Variants in MAP3K13 observed in about 807,000 individuals in gnomAD.
MAP3K13 encodes mitogen-activated protein kinase kinase kinase 13.
Under a neutral mutation model 104.0 loss-of-function variants are expected in MAP3K13, and 52 were observed. The observed-to-expected ratio is 0.50, with a 90% CI of 0.40 to 0.63. The LOEUF is 0.63. Among genes scored for constraint, MAP3K13 ranks in the 20% least tolerant of loss-of-function variants. MAP3K13 has a pLI of 0.00. For synonymous variants in MAP3K13, 394 were observed against 442.2 expected (o/e 0.89, Z 1.37); for missense variants, 914 against 1,218.5 (o/e 0.75, Z 3.72).
At chr3:185,295,010 T>G (rs952033612) in intron 2 of MAP3K13, among the ~76,000 whole-genome samples, 1 of 152,226 alleles carries the variant, frequency 6.6e-6, no homozygotes, top group Non-Finnish European at 1.5e-5. Context: ...CTCATTGCTT[T>G]TAGACTGATT....
chr3:185,399,942 G>C (rs1306424666), intron 1 of MAP3K13, among the ~76,000 whole-genome samples: 3 of 151,920 alleles, frequency 2.0e-5, no homozygotes, highest in African/African-American at 7.3e-5. Context: ...ATCACATCCA[G>C]CCAGTCACTC....
chr3:185,315,819 AT>A lies in MAP3K13; in HGVS notation c.-86+30177del, dbSNP rs1315847633. Among the ~76,000 whole-genome samples, 1 of 152,180 alleles carries A rather than the reference AT, an allele frequency of 6.6e-6. No homozygotes were observed. The highest frequency in any genetic ancestry group is 1.5e-5 in the Non-Finnish European group (1 of 68,020). On this transcript the variant is annotated intron_variant, in intron 2 of 14. Coordinates refer to the MAP3K13 transcript ENST00000424227. This position sits in a 1 kb window ranked among gnomAD's most constrained non-coding sequence, Gnocchi z 4.3. ...CAAGTGTTCAGAACAGTGGATTAAT[AT>A]ATATTGCTATTATTATATTAATATT...
intron 4 of MAP3K13, 58 bp from the exon 5 acceptor site, chr3:185,447,731 A>G (rs1238574287): frequency 9.0e-6 from 12 of 1,335,934 alleles, no homozygotes; most frequent in Non-Finnish European, 1.1e-5. Context: ...GCCATTTAGA[A>G]TCATGGTTTT....
intron 1 of MAP3K13, among the ~76,000 whole-genome samples, chr3:185,385,421 C>T (rs1260151873): frequency 1.3e-5 from 2 of 152,136 alleles, no homozygotes; most frequent in African/African-American, 2.4e-5. Context: ...GATCCACTCA[C>T]CTCAGCTTCA....
chr3:185,331,346 T>A (rs11719246), intron 2 of MAP3K13, among the ~76,000 whole-genome samples: 115,923 of 151,880 alleles, frequency 0.76, 44,979 homozygotes, highest in Middle Eastern at 0.84. Context: ...CTGCCTGCCT[T>A]GGCCTCCCAA....
At chr3:185,384,159 C>T (rs755771830) in intron 1 of MAP3K13, among the ~76,000 whole-genome samples, 35 of 151,982 alleles carry the variant, frequency 2.3e-4, no homozygotes, top group Non-Finnish European at 4.7e-4. Flanking sequence ...ATGAGGTCAA[C>T]TTTTTTTTAG....
intron 1 of MAP3K13, among the ~76,000 whole-genome samples, chr3:185,364,966 T>C (rs1412322737): frequency 6.6e-6 from 1 of 152,232 alleles, no homozygotes; most frequent in Admixed American, 6.5e-5. Context: ...TATTGAAGTC[T>C]ACTAGCACGA....
At chr3:185,356,664 T>G (rs7433372) in intron 2 of MAP3K13, among the ~76,000 whole-genome samples, 110,288 of 152,084 alleles carry the variant, frequency 0.73, 42,362 homozygotes, top group Non-Finnish European at 0.86. Flanking sequence ...TGACTCAGAT[T>G]ATGCTTATTG....
chr3:185,418,559 C>G lies in MAP3K13; in HGVS notation c.-85-9938C>G, dbSNP rs1713935058. 1 of 1,612,160 alleles carries G rather than the reference C, an allele frequency of 6.2e-7. No homozygotes were observed. Among genetic ancestry groups the G allele is most frequent in the Non-Finnish European group, 8.5e-7 (1 of 1,179,838 alleles). ...CCACCTCGAACTCTGGGAATTCGAG[C>G]CATAGCTCTGCCAGTACCCCAAGAC... On this transcript the variant is annotated intron_variant, in intron 1 of 13. Coordinates refer to ENST00000265026, the MANE Select transcript of MAP3K13 (RefSeq NM_004721.5). The surrounding 1 kb of genome is among the most constrained non-coding windows in gnomAD (Gnocchi z 4.5).
In MAP3K13 at chr3:185,336,409, G is replaced by A. The variant is rs571485002; in HGVS notation, c.-86+50766G>A. 3.3e-5 allele frequency among the ~76,000 whole-genome samples: 5 copies of A among 151,880 alleles called. No individual in the cohort carries two copies. In the South Asian group the frequency reaches 1.0e-3, roughly 32 times the overall value. On this transcript the variant is annotated intron_variant, in intron 2 of 14. Coordinates refer to the MAP3K13 transcript ENST00000424227. ...ATACAAAAATTAGCTGGGCATGGTGGCACATGCCTATAGTTGCAGCTACTC... is the reference window on the plus strand; with the variant it reads ...ATACAAAAATTAGCTGGGCATGGTGACACATGCCTATAGTTGCAGCTACTC...
At chr3:185,437,000 C>CAAAAAAA (rs58819806) in intron 2 of MAP3K13, among the ~76,000 whole-genome samples, 6 of 36,964 alleles carry the variant, frequency 1.6e-4, no homozygotes, top group African/African-American at 2.1e-4. Flanking sequence ...GACTCTGTCT[C>CAAAAAAA]AAAAAAAAAA....
At chr3:185,407,077 AAGATTAT>A (rs1463234580) in intron 1 of MAP3K13, among the ~76,000 whole-genome samples, 24 of 152,338 alleles carry the variant, frequency 1.6e-4, no homozygotes, top group Non-Finnish European at 1.5e-5. Flanking sequence ...AGAAACTCTA[AAGATTAT>A]ATGGGAAGGA....
intron 3 of MAP3K13, among the ~76,000 whole-genome samples, chr3:185,438,028 C>CAT (rs928995226): frequency 5.9e-5 from 9 of 152,160 alleles, no homozygotes; most frequent in African/African-American, 2.2e-4. Flanking sequence ...CGCAGTGGCT[C>CAT]ATGTCTGTAA....
intron 8 of MAP3K13, 95 bp downstream of exon 8, chr3:185,463,754 A>C (rs1285591278): frequency 1.5e-6 from 1 of 663,106 alleles, no homozygotes; most frequent in African/African-American, 1.8e-5. Flanking sequence ...CTTTCCACAC[A>C]CCTTTCACCT....
chr3:185,419,556 T>C (rs924776290), intron 1 of MAP3K13, among the ~76,000 whole-genome samples: 1 of 152,222 alleles, frequency 6.6e-6, no homozygotes, highest in Admixed American at 6.5e-5. Flanking sequence ...GTTGACCTTT[T>C]AAACATAATT....
rs372763568 is a variant in MAP3K13 at position 185,480,420 on chromosome 3, T to C, written c.2690T>C (p.Ile897Thr). ...DLLSQTPEIP[I>T]DISSHSDGLS... ...CTGTCCCAGACGCCAGAGATTCCCA[T>C]TGACATATCCTCACACTCGGATGGG... The change falls in exon 13 of 14, where the codon ATT (isoleucine) becomes ACT (threonine). Residue 897 changes from isoleucine (I) to threonine (T), a missense_variant. Around this residue, in one of 3 missense-constraint regions of MAP3K13, gnomAD observed 583 missense variants for 737.4 expected, o/e 0.79. Transcript: ENST00000265026. 83 of 1,614,194 alleles carry C rather than the reference T, an allele frequency of 5.1e-5. No individual in the cohort carries two copies. The East Asian group carries it at 5.3e-4, about 10-fold the overall frequency.
At position 185,429,064 on chromosome 3, in the gene MAP3K13, A is replaced by G. The variant is rs1714600301; in HGVS notation, c.475+8A>G. 6.2e-7 allele frequency: 1 copy of G among 1,609,652 alleles called. No homozygotes were observed. Among genetic ancestry groups the G allele is most frequent in the Non-Finnish European group, 8.5e-7 (1 of 1,176,734 alleles). ...ACAAATTGCAGCAGCAAGGTAAGCT[A>G]GAATATGGACTTGGAAGATATTTCT... On this transcript the variant is annotated splice_region_variant and intron_variant, in intron 2 of 13. Coordinates refer to ENST00000265026, the MANE Select transcript of MAP3K13 (RefSeq NM_004721.5).
intron 2 of MAP3K13, among the ~76,000 whole-genome samples, chr3:185,433,991 T>A (rs865791132): frequency 7.9e-5 from 12 of 152,166 alleles, no homozygotes; most frequent in Non-Finnish European, 1.5e-4. Context: ...AAAAAAATAA[T>A]TTATATCTGT....
At position 185,487,797 on chromosome 3, in the gene MAP3K13, C is replaced by T. The variant is rs985480803; in HGVS notation, c.*5341C>T. ...AAGACCAACATTATGTATTGAGCAT[C>T]GTATCTTTCCTACTGAGCCTAGACA... On this transcript the variant is annotated 3_prime_UTR_variant, in exon 14 of 14. Coordinates refer to ENST00000265026, the MANE Select transcript of MAP3K13 (RefSeq NM_004721.5). 1.2e-4 allele frequency: 19 copies of T among 152,182 alleles called. No individual in the cohort carries two copies. Among genetic ancestry groups the T allele is most frequent in the African/African-American group, 4.1e-4 (17 of 41,448 alleles). The allele number at this position is 152,182 out of a possible 1,614,324, so 9.4% of individuals were successfully genotyped here. A position where few individuals can be genotyped will look rare whatever the true frequency, so the allele number is the denominator to read the frequency against.
Sources: allele counts gnomAD v4.1 joint callset (sites outside exome capture counted in the v4.1 genomes callset), GRCh38; gene constraint gnomAD v4.1.1; regional missense constraint gnomAD v4.1.1; non-coding constraint Gnocchi (gnomAD v3.1); transcripts MANE v1.5; gene names NCBI Gene and HGNC (gene_info 2026-07-23, HGNC 2026-07-21).